HTR1F: variants seen among roughly 807,000 people sequenced by gnomAD.
HTR1F encodes 5-hydroxytryptamine receptor 1F, also known as 5-hydroxytryptamine (serotonin) receptor 1F, G protein-coupled.
In HTR1F, 17 loss-of-function variants were observed where a neutral mutation model predicts 24.0. The observed-to-expected ratio is 0.71, with a 90% CI of 0.48 to 1.06. The LOEUF is 1.06. Among genes scored for constraint, HTR1F ranks in the 50% least tolerant of loss-of-function variants. HTR1F has a pLI of 0.00. For synonymous variants in HTR1F, 186 were observed against 156.8 expected, an observed-to-expected ratio of 1.19 and a Z score of -1.39; for missense variants, 391 against 427.8, an observed-to-expected ratio of 0.91 and a Z score of 0.76.
intron 2 of HTR1F, among the ~76,000 whole-genome samples, chr3:87,866,700 G>A (rs1420088799): frequency 6.6e-6 from 1 of 151,486 alleles, no homozygotes; most frequent in African/African-American, 2.4e-5. Context: ...TGCAAAATTG[G>A]ATGTTTGTTT....
chr3:87,921,843 A>C (rs1185003517), intron 2 of HTR1F, among the ~76,000 whole-genome samples: 1 of 151,896 alleles, frequency 6.6e-6, no homozygotes, highest in Non-Finnish European at 1.5e-5. Flanking sequence ...GCCTTATTTT[A>C]CTTAACAGAA....
intron 1 of HTR1F, among the ~76,000 whole-genome samples, chr3:87,800,179 C>G (rs758871881): frequency 1.3e-5 from 2 of 152,138 alleles, no homozygotes; most frequent in African/African-American, 4.8e-5. Context: ...CTGTCTCATG[C>G]TTAAAATCCT....
At chr3:87,927,527 T>C (rs1363970719) in intron 2 of HTR1F, among the ~76,000 whole-genome samples, 1 of 152,138 alleles carries the variant, frequency 6.6e-6, no homozygotes, top group African/African-American at 2.4e-5. Context: ...TATTATATTA[T>C]TTGGGTTTCC....
At chr3:87,796,780 G>GTGACAAGA (rs1270761727) in intron 1 of HTR1F, among the ~76,000 whole-genome samples, 1 of 152,170 alleles carries the variant, frequency 6.6e-6, no homozygotes, top group Non-Finnish European at 1.5e-5. Context: ...CAAAATGGTG[G>GTGACAAGA]TGACAAGATT....
intron 2 of HTR1F, among the ~76,000 whole-genome samples, chr3:87,872,316 A>G (rs562123629): frequency 2.0e-5 from 3 of 152,230 alleles, no homozygotes; most frequent in African/African-American, 7.2e-5. Context: ...AAAGCTCTCA[A>G]ATCAACAACC....
At chr3:87,807,826 T>G (rs73143307) in intron 1 of HTR1F, among the ~76,000 whole-genome samples, 1 of 151,972 alleles carries the variant, frequency 6.6e-6, no homozygotes, top group Non-Finnish European at 1.5e-5. Context: ...ATTTTTACCA[T>G]GAAAGGATGA....
At chr3:87,948,815 G>C (rs750649720) in intron 2 of HTR1F, among the ~76,000 whole-genome samples, 1 of 152,032 alleles carries the variant, frequency 6.6e-6, no homozygotes, top group Admixed American at 6.6e-5. Flanking sequence ...TACTATTTGA[G>C]AACTATTCTG....
chr3:87,935,497 G>T (rs1191596266), intron 2 of HTR1F, among the ~76,000 whole-genome samples: 1 of 144,680 alleles, frequency 6.9e-6, no homozygotes, highest in Non-Finnish European at 1.5e-5. Flanking sequence ...CACTAAATGA[G>T]AAACAAAGAA....
chr3:87,816,213 A>T lies in HTR1F; in HGVS notation c.-159-5795A>T, dbSNP rs75173224. Among the ~76,000 whole-genome samples the T allele has an allele frequency of 4.5e-3, 686 of 152,208 alleles. 51 individuals are homozygous for T. In the East Asian group the frequency reaches 0.12, roughly 27 times the overall value. On this transcript the variant is annotated intron_variant, in intron 1 of 2. Coordinates refer to ENST00000319595, the MANE Select transcript of HTR1F (RefSeq NM_001322209.2). ...TTGATAAATCCATAAAACAATCTTCAGCCCTCATCCTGTCTTATCACTTGG... is the reference window on the plus strand; with the variant it reads ...TTGATAAATCCATAAAACAATCTTCTGCCCTCATCCTGTCTTATCACTTGG...
rs965495758 is a variant in HTR1F at position 87,992,561 on chromosome 3, G to A, written c.*711G>A. ...TCTTATCCTTATATTATCAGCATTT[G>A]AAATCAAAGCCTTACCTTAGTAACA... On this transcript the variant is annotated 3_prime_UTR_variant, in exon 3 of 3. Transcript: ENST00000319595. 6.0e-6 allele frequency: 1 copy of A among 166,934 alleles called. No individual in the cohort carries two copies. Among genetic ancestry groups the A allele is most frequent in the Non-Finnish European group, 1.5e-5 (1 of 68,068 alleles). The allele number at this position is 166,934 out of a possible 1,614,324, so 10.3% of individuals were successfully genotyped here.
chr3:87,827,111 T>C (rs1461702047), intron 2 of HTR1F, among the ~76,000 whole-genome samples: 1 of 151,490 alleles, frequency 6.6e-6, no homozygotes, highest in Non-Finnish European at 1.5e-5. Flanking sequence ...ACTATCATTA[T>C]TTTCTTTCTT....
At chr3:87,855,844 T>G (rs1296184521) in intron 2 of HTR1F, among the ~76,000 whole-genome samples, 2 of 152,090 alleles carry the variant, frequency 1.3e-5, no homozygotes, top group Non-Finnish European at 2.9e-5. Context: ...CCACACTTTC[T>G]GCCTATTAGT....
At chr3:87,886,478 A>G (rs987619413) in intron 2 of HTR1F, among the ~76,000 whole-genome samples, 30 of 152,314 alleles carry the variant, frequency 2.0e-4, no homozygotes, top group African/African-American at 7.2e-4. Context: ...ATAGTGTTGG[A>G]AGTTCTGGCC....
intron 2 of HTR1F, among the ~76,000 whole-genome samples, chr3:87,969,420 G>T (rs2107493299): frequency 6.6e-6 from 1 of 152,302 alleles, no homozygotes; most frequent in East Asian, 1.9e-4. Flanking sequence ...AGCATGACCT[G>T]GATGTGAGAC....
At chr3:87,900,681 G>A (rs1411429277) in intron 2 of HTR1F, among the ~76,000 whole-genome samples, 1 of 152,106 alleles carries the variant, frequency 6.6e-6, no homozygotes, top group African/African-American at 2.4e-5. Context: ...TTTAAAGTTA[G>A]AGCCAATAAA....
At chr3:87,866,574 A>C (rs895165566) in intron 2 of HTR1F, among the ~76,000 whole-genome samples, 5 of 152,162 alleles carry the variant, frequency 3.3e-5, no homozygotes, top group African/African-American at 1.2e-4. Flanking sequence ...ACACTTCAGA[A>C]AACAAGCAGT....
intron 2 of HTR1F, among the ~76,000 whole-genome samples, chr3:87,894,559 CTTTTTT>C (rs35190252): frequency 1.3e-5 from 1 of 74,658 alleles, no homozygotes; most frequent in African/African-American, 6.1e-5. Flanking sequence ...TGCCCAGCCT[CTTTTTT>C]TTTTTTTTTT....
At chr3:87,925,535 G>A (rs1485416277) in intron 2 of HTR1F, among the ~76,000 whole-genome samples, 4 of 152,130 alleles carry the variant, frequency 2.6e-5, no homozygotes, top group Non-Finnish European at 5.9e-5. Context: ...GAAATAAAAG[G>A]AGGGTCTTGG....
At chr3:87,871,768 A>T (rs1019608665) in intron 2 of HTR1F, among the ~76,000 whole-genome samples, 1 of 152,130 alleles carries the variant, frequency 6.6e-6, no homozygotes, top group Non-Finnish European at 1.5e-5. Context: ...TATATGAAGC[A>T]AATATTGAAT....
Sources: gnomAD v4.1 joint callset for allele counts (sites outside exome capture counted in the v4.1 genomes callset) on GRCh38, gnomAD v4.1.1 for gene constraint, MANE v1.5 for transcripts, NCBI Gene and HGNC (gene_info 2026-07-23, HGNC 2026-07-21) for gene names.